Variants in KANK4 observed in about 807,000 individuals in gnomAD.
The protein encoded by KANK4 is KN motif and ankyrin repeat domain-containing protein 4.
Under a neutral mutation model 80.8 loss-of-function variants are expected in KANK4, and 50 were observed. The observed-to-expected ratio is 0.62, with a 90% CI of 0.49 to 0.78. KANK4 has a LOEUF of 0.78. Ranked by LOEUF, KANK4 falls within the 30% of genes least tolerant of loss-of-function variation. The probability of loss-of-function intolerance (pLI) is 0.00; values close to 1 mark genes in which losing one functional copy is unlikely to be tolerated. For missense variants in KANK4, 1,196 were observed against 1,240.1 expected, an observed-to-expected ratio of 0.96 and a Z score of 0.53; for synonymous variants, 465 against 506.9, an observed-to-expected ratio of 0.92 and a Z score of 1.11.
At chr1:62,294,516 G>C (rs1644344570) in intron 1 of KANK4, among the ~76,000 whole-genome samples, 1 of 152,252 alleles carries the variant, frequency 6.6e-6, no homozygotes, top group South Asian at 2.1e-4. Flanking sequence ...AGACAGTTTA[G>C]AGCTTGCGTG....
chr1:62,274,132 G>A lies in KANK4; in HGVS notation c.972C>T (p.Gly324=). Residue 324 remains glycine (G), a synonymous_variant, in exon 3 of 10, where the codon GGC becomes GGT. Transcript: ENST00000371153. ...CCAGGCTTTCCTCAGTTACCCTGATGCCAATGCTTCTCATGTCCACCTCTA... is the reference window on the plus strand; with the variant it reads ...CCAGGCTTTCCTCAGTTACCCTGATACCAATGCTTCTCATGTCCACCTCTA... The part of the protein sequence containing the change: ...PPVEVDMRSI[G]IRVTEESLGL... 1 of 1,614,132 alleles carries A rather than the reference G, an allele frequency of 6.2e-7. No individual in the cohort carries two copies. The highest frequency in any genetic ancestry group is 8.5e-7 in the Non-Finnish European group (1 of 1,180,022).
At chr1:62,276,879 A>T (rs1042613266) in intron 2 of KANK4, among the ~76,000 whole-genome samples, 2 of 152,218 alleles carry the variant, frequency 1.3e-5, no homozygotes, top group African/African-American at 4.8e-5. Context: ...GAATCCCAAA[A>T]TATAGACAAT....
intron 2 of KANK4, among the ~76,000 whole-genome samples, chr1:62,278,369 C>T (rs112549427): frequency 0.2 from 4,129 of 20,496 alleles, 224 homozygotes; most frequent in East Asian, 0.41. Context: ...TCCTTCCTTC[C>T]TTCCTTCCTT....
At chr1:62,252,353 G>T (rs1176059262) in intron 8 of KANK4, among the ~76,000 whole-genome samples, 1 of 152,358 alleles carries the variant, frequency 6.6e-6, no homozygotes, top group African/African-American at 2.4e-5. Flanking sequence ...GGGGACTGGG[G>T]CATGATTTGT....
intron 1 of KANK4, among the ~76,000 whole-genome samples, chr1:62,285,427 C>A (rs1473968566): frequency 6.6e-6 from 1 of 152,230 alleles, no homozygotes; most frequent in Non-Finnish European, 1.5e-5. Flanking sequence ...TCCACACTTA[C>A]GCCTTTTATG....
chr1:62,279,198 G>GCGCGCGCA (rs1282615199), intron 2 of KANK4, among the ~76,000 whole-genome samples: 23 of 146,290 alleles, frequency 1.6e-4, no homozygotes, highest in South Asian at 6.8e-4. Context: ...GCTAGCGCGC[G>GCGCGCGCA]CACACACACA....
chr1:62,285,933 T>C (rs879654796), intron 1 of KANK4, among the ~76,000 whole-genome samples: 7 of 152,046 alleles, frequency 4.6e-5, no homozygotes, highest in Non-Finnish European at 1.0e-4. Flanking sequence ...CTTCTAAACA[T>C]TGAGAGGGCC....
intron 7 of KANK4, among the ~76,000 whole-genome samples, chr1:62,257,278 G>A (rs981301994): frequency 2.0e-5 from 3 of 152,154 alleles, no homozygotes; most frequent in Admixed American, 6.5e-5. Flanking sequence ...AGTAGAGATG[G>A]GGTTTCGCCA....
At chr1:62,270,568 G>C (rs987418538) in intron 4 of KANK4, among the ~76,000 whole-genome samples, 4 of 152,014 alleles carry the variant, frequency 2.6e-5, no homozygotes, top group African/African-American at 9.7e-5. Flanking sequence ...ATTTTTAGTA[G>C]AGATGGGGTT....
intron 1 of KANK4, among the ~76,000 whole-genome samples, chr1:62,284,465 C>CGT (rs990923170): frequency 9.9e-5 from 15 of 152,190 alleles, no homozygotes; most frequent in South Asian, 2.1e-4. Flanking sequence ...TACGGTCGCG[C>CGT]GCGCTACCAT....
chr1:62,261,721 T>C lies in KANK4; in HGVS notation c.2539+1371A>G, dbSNP rs17123257. 8.3e-3 allele frequency among the ~76,000 whole-genome samples: 1,258 copies of C among 152,260 alleles called. 19 individuals are homozygous for C. The highest frequency in any genetic ancestry group is 0.029 in the African/African-American group (1,205 of 41,538). ...GCACTCCAGGTCTTCCATTTCTCTA[T>C]GTGGTGGCTCCAACTCACCCTTCCA... On this transcript the variant is annotated intron_variant, in intron 7 of 9. Coordinates refer to ENST00000371153, the MANE Select transcript of KANK4 (RefSeq NM_181712.5).
At position 62,236,432 on chromosome 1, in the gene KANK4, A is replaced by G. The variant is rs1671202667; in HGVS notation, c.*1845T>C. 6.6e-6 allele frequency among the ~76,000 whole-genome samples: 1 copy of G among 152,074 alleles called. No individual in the cohort carries two copies. Among genetic ancestry groups the G allele is most frequent in the African/African-American group, 2.4e-5 (1 of 41,406 alleles). ...TTTGAGGTCAAAATAAACTCATTTA[A>G]AGCATTTTTTTTCTCATTATTTGCT... On this transcript the variant is annotated 3_prime_UTR_variant, in exon 10 of 10. Coordinates refer to ENST00000371153, the MANE Select transcript of KANK4 (RefSeq NM_181712.5).
At chr1:62,246,006 G>C (rs1173866465) in intron 9 of KANK4, among the ~76,000 whole-genome samples, 1 of 152,128 alleles carries the variant, frequency 6.6e-6, no homozygotes, top group Non-Finnish European at 1.5e-5. Flanking sequence ...GGTTCCACTA[G>C]CTGAGTAATC....
chr1:62,253,702 G>A (rs1305494798), intron 7 of KANK4, among the ~76,000 whole-genome samples: 10 of 152,116 alleles, frequency 6.6e-5, no homozygotes, highest in African/African-American at 2.4e-4. Context: ...ATGAGCCACC[G>A]CGCCCAGCCA....
intron 2 of KANK4, among the ~76,000 whole-genome samples, chr1:62,275,854 GA>G (rs1672298972): frequency 7.7e-6 from 1 of 129,874 alleles, no homozygotes; most frequent in Non-Finnish European, 1.6e-5. Flanking sequence ...GGGAGGGAGG[GA>G]GGGAGGAAGG....
chr1:62,277,228 T>C (rs1255726651), intron 2 of KANK4, among the ~76,000 whole-genome samples: 1 of 152,236 alleles, frequency 6.6e-6, no homozygotes, highest in Non-Finnish European at 1.5e-5. Flanking sequence ...TTCTAGTTTC[T>C]GCAGAATTAT....
chr1:62,273,961 C>T lies in KANK4; in HGVS notation c.1143G>A (p.Glu381=). ...QQQEEEIKAR[E]QRIRELEFTV... ...TGAACTCCAGCTCTCGAATTCTTTG[C>T]TCCCTAGCTTTGATTTCCTCTTCCT... Residue 381 remains glutamate, a synonymous_variant, in exon 3 of 10, where the codon GAG becomes GAA. Coordinates refer to ENST00000371153, the MANE Select transcript of KANK4 (RefSeq NM_181712.5). 6.2e-7 allele frequency: 1 copy of T among 1,614,198 alleles called. No homozygotes were observed. Among genetic ancestry groups the T allele is most frequent in the African/African-American group, 1.3e-5 (1 of 75,038 alleles).
chr1:62,238,080 T>G lies in KANK4; in HGVS notation c.*197A>C. On this transcript the variant is annotated 3_prime_UTR_variant, in exon 10 of 10. Coordinates refer to ENST00000371153, the MANE Select transcript of KANK4 (RefSeq NM_181712.5). Reference sequence around the variant, plus strand: ...CCCTGCTCTGAAGCCCGTGTAGTTTTCAGGCTTGGCCTAAGGCAAAAACTA... The same window carrying G: ...CCCTGCTCTGAAGCCCGTGTAGTTTGCAGGCTTGGCCTAAGGCAAAAACTA... 1.9e-6 allele frequency: 1 copy of G among 517,538 alleles called. No homozygotes were observed. The allele number at this position is 517,538 out of a possible 1,614,324, so 32.1% of individuals were successfully genotyped here. A position where few individuals can be genotyped will look rare whatever the true frequency, so the allele number is the denominator to read the frequency against.
rs745603709 is a variant in KANK4, at chr1:62,273,869, A to T, written c.1235T>A (p.Val412Glu). 6.2e-7 allele frequency: 1 copy of T among 1,613,980 alleles called. No homozygotes were observed. Among genetic ancestry groups the T allele is most frequent in the South Asian group, 1.1e-5 (1 of 91,046 alleles). ...ATGGACAGGGTCAGTGTTCACCATC[A>T]CGTCCGTCTGGCCCTGAGTGTCTTT... ...NAKDTQGQTD[V>E]MVNTDPVHGL... Residue 412 changes from valine (V) to glutamate (E), a missense_variant, in exon 3 of 10, where the codon GTG (valine) becomes GAG (glutamate). By Grantham distance (121) the Val-to-Glu change is moderately radical. Coordinates refer to ENST00000371153, the MANE Select transcript of KANK4 (RefSeq NM_181712.5).
Sources: gnomAD v4.1 joint callset for allele counts (sites outside exome capture counted in the v4.1 genomes callset) on GRCh38, gnomAD v4.1.1 for gene constraint, MANE v1.5 for transcripts, NCBI Gene and HGNC (gene_info 2026-07-23, HGNC 2026-07-21) for gene names.